STAP2: variants seen among roughly 807,000 people sequenced by gnomAD.
The protein encoded by STAP2 is signal transducing adaptor family member 2.
A neutral mutation model predicts 52.7 loss-of-function variants in STAP2; 58 were observed. That is an observed-to-expected ratio of 1.10 (90% confidence interval 0.89 to 1.37). The LOEUF is 1.37. Ranked by LOEUF, STAP2 falls within the 40% of genes most tolerant of loss-of-function variation. The probability of loss-of-function intolerance (pLI) is 0.00; values close to 1 mark genes in which losing one functional copy is unlikely to be tolerated. For missense variants in STAP2, 522 were observed against 519.4 expected (o/e 1.00, Z -0.05); for synonymous variants, 231 against 210.5 (o/e 1.10, Z -0.84).
At chr19:4,332,648 G>T (rs1382385393) in intron 3 of STAP2, among the ~76,000 whole-genome samples, 2 of 151,228 alleles carry the variant, frequency 1.3e-5, no homozygotes, top group African/African-American at 4.9e-5. Flanking sequence ...TTCAAGACCA[G>T]ACTGGGTAAC....
At chr19:4,331,840 G>A (rs1408998089) in intron 4 of STAP2, among the ~76,000 whole-genome samples, 182 bp downstream of exon 4, 3 of 151,346 alleles carry the variant, frequency 2.0e-5, no homozygotes, top group Non-Finnish European at 4.4e-5. Flanking sequence ...GCTGAGGCAC[G>A]AGAATGGCGT....
rs752793893 is a variant in STAP2, at chr19:4,332,084, G to T, written c.298-6C>A. ...CGACACTCCAAGGTCTCTACCTGGG[G>T]AACAAAAGAAAGGAAAGAATCCAAG... On this transcript the variant is annotated splice_polypyrimidine_tract_variant and splice_region_variant and intron_variant, in intron 3 of 12. Transcript: ENST00000594605. The T allele has an allele frequency of 6.2e-7, 1 of 1,607,890 alleles. No homozygotes were observed. Among genetic ancestry groups the T allele is most frequent in the Non-Finnish European group, 8.5e-7 (1 of 1,178,368 alleles).
intron 9 of STAP2, among the ~76,000 whole-genome samples, chr19:4,326,735 G>T (rs965678936): frequency 6.6e-6 from 1 of 152,064 alleles, no homozygotes; most frequent in Non-Finnish European, 1.5e-5. Flanking sequence ...CAGGATGAGA[G>T]TGTCTGTGTT....
At chr19:4,335,893 A>C (rs1211220826) in intron 1 of STAP2, among the ~76,000 whole-genome samples, 1 of 152,194 alleles carries the variant, frequency 6.6e-6, no homozygotes, top group Non-Finnish European at 1.5e-5. Context: ...CTATTTCAGA[A>C]GACAGAAAAC....
At chr19:4,336,515 A>T (rs1391967216) in intron 1 of STAP2, among the ~76,000 whole-genome samples, 1 of 146,524 alleles carries the variant, frequency 6.8e-6, no homozygotes, top group African/African-American at 2.6e-5. Flanking sequence ...GGGTTTCATC[A>T]TGTGGCCAGG....
chr19:4,337,886 A>C (rs1972004667), intron 1 of STAP2, among the ~76,000 whole-genome samples: 2 of 151,992 alleles, frequency 1.3e-5, no homozygotes, highest in Admixed American at 6.6e-5. Context: ...CAGAAGAGGC[A>C]GTGCATGCCT....
chr19:4,329,079 C>T, intron 5 of STAP2: 1 of 417,270 alleles, frequency 2.4e-6, no homozygotes, highest in Non-Finnish European at 4.3e-6. Flanking sequence ...CGGCTCACCG[C>T]AACCTCCGCC....
intron 6 of STAP2, 45 bp downstream of exon 6, chr19:4,328,630 T>TTCCCCCC: frequency 6.5e-7 from 1 of 1,541,502 alleles, no homozygotes; most frequent in Non-Finnish European, 8.8e-7. Flanking sequence ...CCCACCCTCT[T>TTCCCCCC]CCCACCCTCC....
At position 4,324,176 on chromosome 19, in the gene STAP2, T is replaced by C; in HGVS notation, c.1169A>G (p.Glu390Gly). 1 of 1,551,426 alleles carries C rather than the reference T, an allele frequency of 6.4e-7. No individual in the cohort carries two copies. Among genetic ancestry groups the C allele is most frequent in the Non-Finnish European group, 8.7e-7 (1 of 1,147,002 alleles). ...CCTCTTCTCCAGCTTCTTCTGTAGC[T>C]CTGCCGTCATGTCTGCCAGCCCTGG... ...PTAGLADMTA[E>G]LQKKLEKRRA... is the part of the protein sequence containing the mutation. The change falls in exon 13 of 13, where the codon GAG (glutamate) becomes GGG (glycine). Residue 390 changes from glutamate (E) to glycine (G), a missense_variant. Glu to Gly is a moderately conservative substitution (Grantham distance 98). Coordinates refer to ENST00000594605, the MANE Select transcript of STAP2 (RefSeq NM_001013841.2).
intron 9 of STAP2, 32 bp from the exon 10 acceptor site, chr19:4,325,577 C>G: frequency 6.5e-7 from 1 of 1,542,014 alleles, no homozygotes. Flanking sequence ...TGTCAAGACC[C>G]ATGTCATACA....
chr19:4,328,829 C>G lies in STAP2; in HGVS notation c.456-20G>C. 1 of 1,603,844 alleles carries G rather than the reference C, an allele frequency of 6.2e-7. No individual in the cohort carries two copies. Among genetic ancestry groups the G allele is most frequent in the Non-Finnish European group, 8.5e-7 (1 of 1,175,898 alleles). On this transcript the variant is annotated intron_variant, in intron 5 of 12. Coordinates refer to ENST00000594605, the MANE Select transcript of STAP2 (RefSeq NM_001013841.2). ...AAGCACCTGTGGCGGGCCGCGTCACCCACTCGGGACCCCGGAGACCAAGTC... is the reference window on the plus strand; with the variant it reads ...AAGCACCTGTGGCGGGCCGCGTCACGCACTCGGGACCCCGGAGACCAAGTC...
chr19:4,327,301 T>C lies in STAP2; in HGVS notation c.660+15A>G, dbSNP rs1368313807. On this transcript the variant is annotated intron_variant, in intron 7 of 12. Transcript: ENST00000594605. ...CCCACAAAGTCACTTCTAGGGACTCTGGCCCAACGCTCACCGGCTGTTCCA... is the reference window on the plus strand; with the variant it reads ...CCCACAAAGTCACTTCTAGGGACTCCGGCCCAACGCTCACCGGCTGTTCCA... The C allele has an allele frequency of 3.7e-6, 6 of 1,614,144 alleles. No homozygotes were observed. The highest frequency in any genetic ancestry group is 2.2e-5 in the South Asian group (2 of 91,092).
At chr19:4,335,937 C>T (rs1971973889) in intron 1 of STAP2, among the ~76,000 whole-genome samples, 1 of 152,118 alleles carries the variant, frequency 6.6e-6, no homozygotes, top group Non-Finnish European at 1.5e-5. Context: ...TGCATAAGGC[C>T]TGGGAGTAAG....
At chr19:4,329,908 C>T (rs1971860222) in intron 5 of STAP2, 53 bp downstream of exon 5, 3 of 1,525,072 alleles carry the variant, frequency 2.0e-6, no homozygotes, top group South Asian at 1.1e-5. Context: ...CTCAGCCACA[C>T]AACCACCTCC....
chr19:4,326,570 C>T (rs1450362944), intron 9 of STAP2, among the ~76,000 whole-genome samples: 1 of 152,106 alleles, frequency 6.6e-6, no homozygotes, highest in Non-Finnish European at 1.5e-5. Flanking sequence ...ACCCTCTGAC[C>T]CCTCAATGCC....
At position 4,328,677 on chromosome 19, in the gene STAP2, G is replaced by A. The variant is rs371195045; in HGVS notation, c.588C>T (p.Asn196=). Residue 196 remains asparagine, a splice_region_variant and synonymous_variant, in exon 6 of 13, where the codon AAC becomes AAT. Transcript: ENST00000594605. ...GCTCTCCAGACGCGCATGCGCACCC[G>A]TTGTGCATCTGCCGCGTGGTGACCG... ...GVSVTTRQMH[N]GTHVVRHYKV... The A allele has an allele frequency of 2.2e-6, 3 of 1,344,764 alleles. No homozygotes were observed. The highest frequency in any genetic ancestry group is 2.3e-5 in the South Asian group (2 of 85,814). The allele number at this position is 1,344,764 out of a possible 1,614,324, so 83.3% of individuals were successfully genotyped here. A position where few individuals can be genotyped will look rare whatever the true frequency, so the allele number is the denominator to read the frequency against.
Position 4,325,439 on chromosome 19 carries a change from G to T in STAP2, c.936C>A (p.Thr312=), listed in dbSNP as rs753573503. ...PLPNQEENYV[T]PIGDGPAVDY... is the part of the protein sequence containing the mutation. ...CAACAGCTGGGCCATCTCCAATGGG[G>T]GTCACGTAGTTCTCTTCCTGGTTCG... Residue 312 remains threonine (T), a synonymous_variant, in exon 10 of 13, where the codon ACC becomes ACA. Coordinates refer to ENST00000594605, the MANE Select transcript of STAP2 (RefSeq NM_001013841.2). 1.4e-5 allele frequency: 22 copies of T among 1,614,100 alleles called. No individual in the cohort carries two copies. In the South Asian group the frequency reaches 2.4e-4, roughly 18 times the overall value.
intron 1 of STAP2, among the ~76,000 whole-genome samples, chr19:4,337,899 G>T (rs574130660): frequency 3.4e-4 from 52 of 152,010 alleles, no homozygotes; most frequent in African/African-American, 1.2e-3. Flanking sequence ...GCATGCCTGT[G>T]GTCCCAGCTA....
At position 4,330,069 on chromosome 19, in the gene STAP2, G is replaced by C. The variant is rs369048524; in HGVS notation, c.355-8C>G. The stretch of plus-strand genomic sequence containing the variant: ...GTCGGTCGGGACACGGAGCTGAGGG[G>C]CGATCGAGGGACAGTGACTGCACCT... On this transcript the variant is annotated splice_polypyrimidine_tract_variant and splice_region_variant and intron_variant, in intron 4 of 12. Coordinates refer to ENST00000594605, the MANE Select transcript of STAP2 (RefSeq NM_001013841.2). 1,675 of 1,611,318 alleles carry C rather than the reference G, an allele frequency of 1.0e-3. 26 individuals are homozygous for C. The South Asian group carries it at 0.017, about 16-fold the overall frequency.
Sources: gnomAD v4.1 joint callset for allele counts (sites outside exome capture counted in the v4.1 genomes callset) on GRCh38, gnomAD v4.1.1 for gene constraint, MANE v1.5 for transcripts, NCBI Gene and HGNC (gene_info 2026-07-23, HGNC 2026-07-21) for gene names.